The following MAST4 variants were observed in gnomAD, a reference collection of about 807,000 sequenced individuals.
MAST4 encodes microtubule associated serine/threonine kinase family member 4.
In MAST4, 89 loss-of-function variants were observed where a neutral mutation model predicts 162.7. The observed-to-expected ratio is 0.55, with a 90% CI of 0.46 to 0.65. The LOEUF is 0.65. Ranked by LOEUF, MAST4 falls within the 30% of genes least tolerant of loss-of-function variation. The pLI, the probability that MAST4 is intolerant of heterozygous loss-of-function variation, is 0.00. For missense variants in MAST4, 3,153 were observed against 3,374.0 expected, an observed-to-expected ratio of 0.93 and a Z score of 1.62; for synonymous variants, 1,479 against 1,361.1, an observed-to-expected ratio of 1.09 and a Z score of -1.91.
In MAST4 at chr5:66,667,084, G is replaced by A. The variant is rs74414705; in HGVS notation, c.363+70066G>A. 9.0e-3 allele frequency among the ~76,000 whole-genome samples: 1,375 copies of A among 152,248 alleles called. 17 individuals carry two copies. The highest frequency in any genetic ancestry group is 0.032 in the African/African-American group (1,314 of 41,548). On this transcript the variant is annotated intron_variant, in intron 1 of 28. Coordinates refer to ENST00000403625, the MANE Select transcript of MAST4 (RefSeq NM_001164664.2). ...TTTGGGCTAAGGGGAAGAGCATATG[G>A]GGGTCAGAAAACAGTGTGGTCAAAG...
chr5:66,937,821 A>G (rs1283118133), intron 4 of MAST4, among the ~76,000 whole-genome samples: 1 of 151,588 alleles, frequency 6.6e-6, no homozygotes, highest in Non-Finnish European at 1.5e-5. Flanking sequence ...AACATTTTTT[A>G]TATTCAGTCT....
At chr5:67,094,305 T>A (rs961732979) in intron 6 of MAST4, 6 of 457,570 alleles carry the variant, frequency 1.3e-5, no homozygotes, top group African/African-American at 6.0e-5. Flanking sequence ...CCTACGAATA[T>A]AAATTTAGGC....
At chr5:67,102,033 A>G (rs750316638) in intron 8 of MAST4, among the ~76,000 whole-genome samples, 11 of 150,506 alleles carry the variant, frequency 7.3e-5, no homozygotes, top group Non-Finnish European at 1.2e-4. Flanking sequence ...GCTAGGCTAG[A>G]AAATGGATCT....
intron 1 of MAST4, among the ~76,000 whole-genome samples, chr5:66,756,470 G>C (rs536539688): frequency 1.3e-5 from 2 of 152,332 alleles, no homozygotes; most frequent in African/African-American, 2.4e-5. Context: ...ATCAGTGAAA[G>C]TTTCAAGACA....
intron 1 of MAST4, among the ~76,000 whole-genome samples, chr5:66,757,112 T>C (rs1448909833): frequency 6.6e-6 from 1 of 152,224 alleles, no homozygotes; most frequent in Non-Finnish European, 1.5e-5. Context: ...TTCTTTCCTC[T>C]GCTTGTTTTT....
At chr5:67,042,518 CCT>C (rs199884560) in intron 4 of MAST4, among the ~76,000 whole-genome samples, 3,233 of 151,776 alleles carry the variant, frequency 0.021, 51 homozygotes, top group African/African-American at 0.041. Flanking sequence ...ATTCCTTTGA[CCT>C]CTTTTTTTTT....
At chr5:66,840,897 G>GCT (rs1195781526) in intron 3 of MAST4, among the ~76,000 whole-genome samples, 2 of 152,090 alleles carry the variant, frequency 1.3e-5, no homozygotes, top group East Asian at 3.9e-4. Context: ...TTGTTACCCA[G>GCT]CTTTATGATG....
chr5:66,776,818 A>G (rs1352362531), intron 2 of MAST4, among the ~76,000 whole-genome samples: 1 of 152,180 alleles, frequency 6.6e-6, no homozygotes, highest in Non-Finnish European at 1.5e-5. Flanking sequence ...AACATACTGC[A>G]TACAGAAATA....
At chr5:67,009,749 C>G (rs1752452604) in intron 4 of MAST4, among the ~76,000 whole-genome samples, 1 of 152,162 alleles carries the variant, frequency 6.6e-6, no homozygotes, top group Admixed American at 6.5e-5. Context: ...TGGTTTTGAT[C>G]CTGTGCTGGG....
At chr5:67,151,219 G>T (rs1036895105) in intron 24 of MAST4, among the ~76,000 whole-genome samples, 2 of 152,202 alleles carry the variant, frequency 1.3e-5, no homozygotes, top group African/African-American at 2.4e-5. Context: ...TTTAGACTGG[G>T]TAAGGTATAA....
chr5:66,920,862 T>C (rs10039276), intron 4 of MAST4, among the ~76,000 whole-genome samples: 20,854 of 152,126 alleles, frequency 0.14, 1,783 homozygotes, highest in African/African-American at 0.23. Flanking sequence ...ATAGAGTCAT[T>C]AGAATAGAGA....
At chr5:67,044,429 C>T (rs6869412) in intron 4 of MAST4, among the ~76,000 whole-genome samples, 1,845 of 152,164 alleles carry the variant, frequency 0.012, 36 homozygotes, top group African/African-American at 0.042. Context: ...AGATATAGGC[C>T]CTTCTCACAT....
In MAST4 at chr5:66,997,433, C is replaced by CTTTT. The variant is rs35005578; in HGVS notation, c.675-56958_675-56955dup. 2.7e-3 allele frequency among the ~76,000 whole-genome samples: 365 copies of CTTTT among 134,968 alleles called. 1 individual carries two copies. The highest frequency in any genetic ancestry group is 9.3e-3 in the African/African-American group (341 of 36,698). The allele number at this position is 134,968 out of a possible 152,430, so 88.5% of individuals were successfully genotyped here. On this transcript the variant is annotated intron_variant, in intron 4 of 28. Transcript: ENST00000403625. ...AATTAATGTGTTTTTTTTCTTTTCT[C>CTTTT]TTTTTTTTTTTTTTTTGAGATAGAG... is the stretch of plus-strand genomic sequence containing the variant.
chr5:66,648,862 T>C (rs1746032671), intron 1 of MAST4, among the ~76,000 whole-genome samples: 2 of 152,184 alleles, frequency 1.3e-5, no homozygotes, highest in South Asian at 4.1e-4. Context: ...ATCTTAATAG[T>C]AAGACTTGAT....
intron 4 of MAST4, among the ~76,000 whole-genome samples, chr5:66,950,874 G>A (rs777328173): frequency 6.6e-6 from 1 of 152,070 alleles, no homozygotes; most frequent in Non-Finnish European, 1.5e-5. Flanking sequence ...TTTCTGCATC[G>A]GCTGCACCAT....
chr5:67,076,713 C>T (rs1377274702), intron 5 of MAST4, among the ~76,000 whole-genome samples: 1 of 152,204 alleles, frequency 6.6e-6, no homozygotes, highest in African/African-American at 2.4e-5. Context: ...AAATCTCTCT[C>T]AGACATCGAA....
At chr5:66,907,587 CGTGTGTGTGTGTGTGTGTGTGTGTGTGT>C (rs59273615) in intron 4 of MAST4, among the ~76,000 whole-genome samples, 4 of 144,142 alleles carry the variant, frequency 2.8e-5, no homozygotes, top group African/African-American at 5.2e-5. Flanking sequence ...TAGGTTGATG[CGTGTGTGTGTGTGTGTGTGTGTGTGTGT>C]GTGTGTGTGT....
intron 4 of MAST4, among the ~76,000 whole-genome samples, chr5:67,046,089 T>G (rs527581393): frequency 6.6e-6 from 1 of 152,182 alleles, no homozygotes; most frequent in Non-Finnish European, 1.5e-5. Flanking sequence ...AGTAACATGC[T>G]ATACAGGTTT....
chr5:66,602,760 A>G (rs1345181027), intron 1 of MAST4, among the ~76,000 whole-genome samples: 1 of 152,158 alleles, frequency 6.6e-6, no homozygotes, highest in Non-Finnish European at 1.5e-5. Context: ...GTGTTGCCAG[A>G]AAGGGCTTGC....
Sources: allele counts gnomAD v4.1 joint callset (sites outside exome capture counted in the v4.1 genomes callset), GRCh38; gene constraint gnomAD v4.1.1; transcripts MANE v1.5; gene names NCBI Gene and HGNC (gene_info 2026-07-23, HGNC 2026-07-21).